Variants in EPS8 observed in about 807,000 individuals in gnomAD.
EPS8 encodes epidermal growth factor receptor kinase substrate 8.
In EPS8, 42 loss-of-function variants were observed where a neutral mutation model predicts 103.8. That is an observed-to-expected ratio of 0.40 (90% CI 0.32 to 0.52). The LOEUF (loss-of-function observed/expected upper bound fraction) is 0.52. Ranked by LOEUF, EPS8 falls within the 20% of genes least tolerant of loss-of-function variation. The pLI is 0.40. For synonymous variants in EPS8, 344 were observed against 344.6 expected (o/e 1.00, Z 0.02); for missense variants, 969 against 1,005.1 (o/e 0.96, Z 0.49).
chr12:15,715,915 T>A (rs1591889899), intron 1 of EPS8, among the ~76,000 whole-genome samples: 1 of 148,312 alleles, frequency 6.7e-6, no homozygotes, highest in South Asian at 2.1e-4. Context: ...ACACAGAAAC[T>A]GAAGGGAGTG....
At chr12:15,775,496 C>T (rs1947198967) in intron 1 of EPS8, among the ~76,000 whole-genome samples, 2 of 151,956 alleles carry the variant, frequency 1.3e-5, no homozygotes, top group Admixed American at 6.6e-5. Flanking sequence ...TGGAAATAGA[C>T]TTATTTTATA....
At chr12:15,640,640 T>C (rs995730100) in intron 17 of EPS8, 63 bp downstream of exon 17, 2 of 1,454,292 alleles carry the variant, frequency 1.4e-6, no homozygotes, top group Non-Finnish European at 1.9e-6. Flanking sequence ...GTTTAAATCC[T>C]ACTTAAGAGT....
chr12:15,658,217 A>C, intron 11 of EPS8, 64 bp from the exon 12 acceptor site: 4 of 1,103,502 alleles, frequency 3.6e-6, no homozygotes, highest in Middle Eastern at 2.0e-4. Context: ...AGAAAGGTCC[A>C]ACATAGACAC....
rs1463947477 is a variant in EPS8, at chr12:15,764,803, C to T, written c.-22+24358G>A. 6.6e-6 allele frequency among the ~76,000 whole-genome samples: 1 copy of T among 152,172 alleles called. No individual in the cohort carries two copies. Among genetic ancestry groups the T allele is most frequent in the African/African-American group, 2.4e-5 (1 of 41,450 alleles). On this transcript the variant is annotated intron_variant, in intron 1 of 20. Coordinates refer to ENST00000281172, the MANE Select transcript of EPS8 (RefSeq NM_004447.6). The surrounding 1 kb of genome is among the most constrained non-coding windows in gnomAD (Gnocchi z 4.1). ...TTAAGCTCTCATCTTGAGATAAGAA[C>T]ATCAGGTCTCATACTTTCTGGGGAA... is the stretch of plus-strand genomic sequence containing the variant.
rs1479057547 is a variant in EPS8, at chr12:15,772,973, A to G, written c.-22+16188T>C. 2.0e-5 allele frequency among the ~76,000 whole-genome samples: 3 copies of G among 152,294 alleles called. No homozygotes were observed. The East Asian group carries it at 5.8e-4, about 29-fold the overall frequency. On this transcript the variant is annotated intron_variant, in intron 1 of 20. Transcript: ENST00000281172. The surrounding 1 kb of genome is among the most constrained non-coding windows in gnomAD (Gnocchi z 5.0). ...ATTTTCCTTTTGGTTTAGCTTTTAG[A>G]AGATGGCAGATGACCTACAGACATA...
rs541501610 is a variant in EPS8 at position 15,638,851 on chromosome 12, C to A, written c.1821+1852G>T. ...TTGGTTCAGTTTTAGACAGAAGCAA[C>A]CTTTTAAACAGAAAAGTCAACTTAT... On this transcript the variant is annotated intron_variant, in intron 17 of 20. Transcript: ENST00000281172. Among the ~76,000 whole-genome samples, 48 of 152,226 alleles carry A rather than the reference C, an allele frequency of 3.2e-4. 1 individual carries two copies. The East Asian group carries it at 6.4e-3, about 20-fold the overall frequency.
intron 1 of EPS8, among the ~76,000 whole-genome samples, chr12:15,724,758 C>T (rs1946634632): frequency 6.6e-6 from 1 of 152,138 alleles, no homozygotes; most frequent in Admixed American, 6.5e-5. Context: ...TCACTTGGCT[C>T]TCATTCTCTC....
At chr12:15,671,103 A>C (rs1303476843) in intron 3 of EPS8, among the ~76,000 whole-genome samples, 180 bp from the exon 4 acceptor site, 1 of 152,154 alleles carries the variant, frequency 6.6e-6, no homozygotes, top group South Asian at 2.1e-4. Flanking sequence ...AAAAACCACA[A>C]GAAAGTCTAA....
intron 20 of EPS8, 124 bp from the exon 21 acceptor site, chr12:15,621,554 C>G (rs567515216): frequency 1.7e-6 from 1 of 586,684 alleles, no homozygotes; most frequent in Admixed American, 3.9e-5. Context: ...GGAAAGCTAA[C>G]AGCTCTACTT....
intron 10 of EPS8, among the ~76,000 whole-genome samples, chr12:15,659,327 CT>C (rs1367588352): frequency 6.6e-6 from 1 of 151,958 alleles, no homozygotes; most frequent in African/African-American, 2.4e-5. Context: ...GGCTTAAAGA[CT>C]GCTTCGAAAG....
intron 18 of EPS8, among the ~76,000 whole-genome samples, chr12:15,625,718 T>C (rs1944933600): frequency 6.6e-6 from 1 of 152,176 alleles, no homozygotes; most frequent in Non-Finnish European, 1.5e-5. Context: ...CTCCCATGTT[T>C]CTGGACTCCC....
chr12:15,782,046 T>C (rs1565542033), intron 1 of EPS8: 1 of 152,206 alleles, frequency 6.6e-6, no homozygotes, highest in Non-Finnish European at 1.5e-5. Flanking sequence ...ATGTAAACTA[T>C]AGTACATCAC....
At chr12:15,737,861 A>G (rs1448260797) in intron 1 of EPS8, among the ~76,000 whole-genome samples, 1 of 152,092 alleles carries the variant, frequency 6.6e-6, no homozygotes, top group Non-Finnish European at 1.5e-5. Flanking sequence ...TTACCAATAC[A>G]TGTTTATGAT....
rs1947321678 is a variant in EPS8 at position 15,787,337 on chromosome 12, T to A, written c.-22+1824A>T. On this transcript the variant is annotated intron_variant, in intron 1 of 20. Transcript: ENST00000281172. This position sits in a 1 kb window ranked among gnomAD's most constrained non-coding sequence, Gnocchi z 4.9. ...GCCATAGCATAGAAAAGAACTGGTA[T>A]CTGAAAAGAATCAGTATTGATAAAA... Among the ~76,000 whole-genome samples the A allele has an allele frequency of 1.3e-5, 2 of 152,182 alleles. No individual in the cohort carries two copies. Among genetic ancestry groups the A allele is most frequent in the South Asian group, 4.1e-4 (2 of 4,826 alleles).
intron 18 of EPS8, among the ~76,000 whole-genome samples, chr12:15,627,056 G>A (rs1048539722): frequency 3.3e-5 from 5 of 151,988 alleles, no homozygotes; most frequent in African/African-American, 1.2e-4. Context: ...CTGGAGTGCA[G>A]TGGCACAATC....
chr12:15,741,539 A>G (rs140700249), intron 1 of EPS8, among the ~76,000 whole-genome samples: 1 of 152,282 alleles, frequency 6.6e-6, no homozygotes, highest in African/African-American at 2.4e-5. Flanking sequence ...CCTGCAATTT[A>G]TCGAGCCTGC....
At position 15,780,517 on chromosome 12, in the gene EPS8, C is replaced by CACACAT. The variant is rs1947250058; in HGVS notation, c.-22+8643_-22+8644insATGTGT. ...ACACACACACACACACACACACACACACACACACACACAGGCATACACACT... is the reference window on the plus strand; with the variant it reads ...ACACACACACACACACACACACACACACACATACACACACACACAGGCATACACACT... On this transcript the variant is annotated intron_variant, in intron 1 of 20. Coordinates refer to ENST00000281172, the MANE Select transcript of EPS8 (RefSeq NM_004447.6). This position sits in a 1 kb window ranked among gnomAD's most constrained non-coding sequence, Gnocchi z 4.1. The CACACAT allele has an allele frequency of 6.5e-6, 1 of 153,276 alleles. No individual in the cohort carries two copies. The highest frequency in any genetic ancestry group is 1.4e-5 in the Non-Finnish European group (1 of 69,324). 9.5% of individuals were successfully genotyped at this position (153,276 alleles called of 1,614,324 possible). A position where few individuals can be genotyped will look rare whatever the true frequency, so the allele number is the denominator to read the frequency against.
intron 17 of EPS8, among the ~76,000 whole-genome samples, chr12:15,636,771 A>G (rs999546458): frequency 6.6e-6 from 1 of 152,234 alleles, no homozygotes; most frequent in African/African-American, 2.4e-5. Flanking sequence ...ACTTACAAAA[A>G]TGTCCTATTC....
At chr12:15,742,583 C>T (rs1269389199) in intron 1 of EPS8, among the ~76,000 whole-genome samples, 1 of 152,170 alleles carries the variant, frequency 6.6e-6, no homozygotes, top group Non-Finnish European at 1.5e-5. Context: ...TGGCTTCATC[C>T]CTGGGATGCA....
Sources: gnomAD v4.1 joint callset for allele counts (sites outside exome capture counted in the v4.1 genomes callset) on GRCh38, gnomAD v4.1.1 for gene constraint, Gnocchi (gnomAD v3.1) non-coding constraint, MANE v1.5 for transcripts, NCBI Gene and HGNC (gene_info 2026-07-23, HGNC 2026-07-21) for gene names.